The following PRKCE variants were observed in gnomAD, a reference collection of about 807,000 sequenced individuals.
The protein encoded by PRKCE is protein kinase C epsilon type.
A neutral mutation model predicts 85.4 loss-of-function variants in PRKCE; 16 were observed. That is an observed-to-expected ratio of 0.19 (90% CI 0.13 to 0.28). PRKCE has a LOEUF of 0.28. PRKCE is among the 10% of genes least tolerant of loss of function. The pLI is 1.00. For synonymous variants in PRKCE, 388 were observed against 371.5 expected (o/e 1.04, Z -0.51); for missense variants, 573 against 975.2 (o/e 0.59, Z 5.49).
chr2:45,668,018 T>C (rs760764716), intron 1 of PRKCE, among the ~76,000 whole-genome samples: 13 of 152,232 alleles, frequency 8.5e-5, no homozygotes, highest in Middle Eastern at 6.8e-3. Flanking sequence ...TTGAAATAAA[T>C]AATATAATGC....
intron 11 of PRKCE, among the ~76,000 whole-genome samples, chr2:46,116,312 A>G (rs533080663): frequency 6.6e-6 from 1 of 152,372 alleles, no homozygotes; most frequent in South Asian, 2.1e-4. Flanking sequence ...CCCAGGAAAC[A>G]GTGTGCACAG....
At chr2:45,826,883 A>G (rs1055577595) in intron 1 of PRKCE, among the ~76,000 whole-genome samples, 1 of 152,056 alleles carries the variant, frequency 6.6e-6, no homozygotes, top group African/African-American at 2.4e-5. Context: ...CATCACCTCC[A>G]CTACCACCAC....
chr2:45,784,436 G>A (rs949827120), intron 1 of PRKCE, among the ~76,000 whole-genome samples: 12 of 152,182 alleles, frequency 7.9e-5, no homozygotes, highest in African/African-American at 2.9e-4. Flanking sequence ...AGATTAATTG[G>A]GATTTGCCGG....
At chr2:45,698,901 A>G (rs1001342173) in intron 1 of PRKCE, among the ~76,000 whole-genome samples, 46 of 152,306 alleles carry the variant, frequency 3.0e-4, no homozygotes, top group African/African-American at 1.1e-3. Context: ...GAGAATTAAC[A>G]TCCATGGACT....
intron 1 of PRKCE, among the ~76,000 whole-genome samples, chr2:45,752,044 G>A (rs10177247): frequency 6.7e-6 from 1 of 149,844 alleles, no homozygotes; most frequent in Non-Finnish European, 1.5e-5. Context: ...GTCTCGATCT[G>A]CTGACCTCGT....
At chr2:45,988,254 G>C (rs1010744619) in intron 6 of PRKCE, among the ~76,000 whole-genome samples, 1 of 152,332 alleles carries the variant, frequency 6.6e-6, no homozygotes, top group East Asian at 1.9e-4. Flanking sequence ...CCTGGAAATA[G>C]ATTACAGTAT....
chr2:46,172,021 G>T (rs1030749563), intron 14 of PRKCE, among the ~76,000 whole-genome samples: 1 of 152,220 alleles, frequency 6.6e-6, no homozygotes, highest in Admixed American at 6.5e-5. Context: ...CAGCAGACAC[G>T]TCCCTTGAGT....
intron 2 of PRKCE, among the ~76,000 whole-genome samples, chr2:45,914,091 A>G (rs946111039): frequency 1.5e-4 from 23 of 152,252 alleles, no homozygotes; most frequent in African/African-American, 5.1e-4. Context: ...TGTGTAGCAA[A>G]GTGTGATTCA....
At chr2:45,778,124 TG>T in intron 1 of PRKCE, among the ~76,000 whole-genome samples, 1 of 113,736 alleles carries the variant, frequency 8.8e-6, no homozygotes, top group South Asian at 3.0e-4. Context: ...GAGGGAGGGG[TG>T]GGTTGGCAAA....
At chr2:45,989,630 T>G (rs1703635262) in intron 6 of PRKCE, among the ~76,000 whole-genome samples, 1 of 140,972 alleles carries the variant, frequency 7.1e-6, no homozygotes, top group African/African-American at 2.7e-5. Flanking sequence ...GTCTCCCTCC[T>G]TCCTTCCTTT....
chr2:45,957,612 G>C (rs72802899), intron 2 of PRKCE, among the ~76,000 whole-genome samples: 2,817 of 152,306 alleles, frequency 0.018, 48 homozygotes, highest in South Asian at 0.028. Context: ...GGTCTAGATA[G>C]TTCTTAAATG....
rs1696095015 is a variant in PRKCE, at chr2:45,895,831, G to A, written c.412+52768G>A. Among the ~76,000 whole-genome samples, 2 of 152,140 alleles carry A rather than the reference G, an allele frequency of 1.3e-5. No homozygotes were observed. The highest frequency in any genetic ancestry group is 4.1e-4 in the South Asian group (2 of 4,824). On this transcript the variant is annotated intron_variant, in intron 2 of 14. Transcript: ENST00000306156. The surrounding 1 kb of genome is among the most constrained non-coding windows in gnomAD (Gnocchi z 4.8). ...CGCAGGTGTAGAGGAAGTGCTGTAG[G>A]GCCGCAGGGGTTGGGGCTGTGATAG...
intron 1 of PRKCE, among the ~76,000 whole-genome samples, chr2:45,699,204 G>T (rs1325481393): frequency 6.6e-6 from 1 of 151,992 alleles, no homozygotes; most frequent in Non-Finnish European, 1.5e-5. Flanking sequence ...CAAAGGAGGG[G>T]CTCCCCCTAA....
At chr2:45,704,392 A>T (rs1269799945) in intron 1 of PRKCE, among the ~76,000 whole-genome samples, 1 of 152,096 alleles carries the variant, frequency 6.6e-6, no homozygotes, top group Non-Finnish European at 1.5e-5. Context: ...TCAGAGAGGG[A>T]CAGAGAAAGG....
rs568671790 is a variant in PRKCE at position 46,016,353 on chromosome 2, G to A, written c.1437+5836G>A. The stretch of plus-strand genomic sequence containing the variant: ...CGTGTGTCTGTGTAGATGAGCTGGC[G>A]GTTCTCTGGCCGGTCAGAGAAAGAT... On this transcript the variant is annotated intron_variant, in intron 10 of 14. Coordinates refer to ENST00000306156, the MANE Select transcript of PRKCE (RefSeq NM_005400.3). Among the ~76,000 whole-genome samples the A allele has an allele frequency of 4.0e-5, 6 of 151,656 alleles. 1 individual carries two copies. Among genetic ancestry groups the A allele is most frequent in the African/African-American group, 1.5e-4 (6 of 41,328 alleles).
intron 1 of PRKCE, among the ~76,000 whole-genome samples, chr2:45,813,524 A>G (rs941602545): frequency 2.0e-5 from 3 of 152,170 alleles, no homozygotes; most frequent in Admixed American, 6.5e-5. Flanking sequence ...CCTGGCAGAC[A>G]CCATGTGGGA....
chr2:45,657,209 G>T (rs944641441), intron 1 of PRKCE, among the ~76,000 whole-genome samples: 6 of 152,190 alleles, frequency 3.9e-5, no homozygotes, highest in Non-Finnish European at 4.4e-5. Context: ...TGTAGAAGAG[G>T]CAGGCACTCA....
intron 10 of PRKCE, among the ~76,000 whole-genome samples, chr2:46,030,320 C>T (rs1246794213): frequency 6.6e-6 from 1 of 152,190 alleles, no homozygotes; most frequent in Non-Finnish European, 1.5e-5. Context: ...CCTGTCTAAC[C>T]CCCAGGTCCT....
intron 12 of PRKCE, among the ~76,000 whole-genome samples, chr2:46,149,387 C>G (rs776134650): frequency 1.3e-4 from 19 of 152,000 alleles, no homozygotes; most frequent in Non-Finnish European, 2.2e-4. Flanking sequence ...TTTTAAAATT[C>G]TTTATAGAAT....
Sources: gnomAD v4.1 joint callset for allele counts (sites outside exome capture counted in the v4.1 genomes callset) on GRCh38, gnomAD v4.1.1 for gene constraint, Gnocchi (gnomAD v3.1) non-coding constraint, MANE v1.5 for transcripts, NCBI Gene and HGNC (gene_info 2026-07-23, HGNC 2026-07-21) for gene names.